Variants in RYR3 observed in about 807,000 individuals in gnomAD.
RYR3 encodes brain ryanodine receptor-calcium release channel.
Under a neutral mutation model 584.3 loss-of-function variants are expected in RYR3, and 207 were observed. That is an observed-to-expected ratio of 0.35 (90% CI 0.32 to 0.40). The LOEUF (loss-of-function observed/expected upper bound fraction) is 0.40. Among genes scored for constraint, RYR3 ranks in the 10% least tolerant of loss-of-function variants. The probability of loss-of-function intolerance (pLI) is 1.00; values close to 1 mark genes in which losing one functional copy is unlikely to be tolerated. For synonymous variants in RYR3, 2,416 were observed against 2,248.5 expected (o/e 1.07, Z -2.11); for missense variants, 5,616 against 6,089.2 (o/e 0.92, Z 2.59).
At chr15:33,599,554 A>G (rs1052904916) in intron 16 of RYR3, among the ~76,000 whole-genome samples, 2 of 152,210 alleles carry the variant, frequency 1.3e-5, no homozygotes, top group African/African-American at 2.4e-5. Context: ...AAATGGTTAC[A>G]TTCTTCTGAG....
At chr15:33,494,399 G>T (rs543544359) in intron 2 of RYR3, among the ~76,000 whole-genome samples, 1 of 152,080 alleles carries the variant, frequency 6.6e-6, no homozygotes, top group Non-Finnish European at 1.5e-5. Context: ...CCTCAGGCCA[G>T]CACAGTGCCT....
rs369131319 is a variant in RYR3, at chr15:33,853,693, C to T, written c.13799+11C>T. On this transcript the variant is annotated intron_variant, in intron 96 of 103. Transcript: ENST00000634891. ...TTCTCTGGTGTCATGGTACAAAAAG[C>T]TTAGGAGTTCAAATCCAAAGCAGCT... 9.4e-5 allele frequency: 151 copies of T among 1,609,690 alleles called. No individual in the cohort carries two copies. The highest frequency in any genetic ancestry group is 1.2e-4 in the Non-Finnish European group (141 of 1,177,806).
intron 60 of RYR3, among the ~76,000 whole-genome samples, chr15:33,765,834 A>G (rs1009082332): frequency 6.6e-6 from 1 of 152,128 alleles, no homozygotes; most frequent in African/African-American, 2.4e-5. Context: ...GTTATTGCCC[A>G]TTTGTGTAAA....
intron 1 of RYR3, among the ~76,000 whole-genome samples, chr15:33,429,798 C>G (rs923246899): frequency 6.6e-6 from 1 of 152,214 alleles, no homozygotes; most frequent in South Asian, 2.1e-4. Context: ...CTGGGTAGCA[C>G]TGACAGTTGG....
chr15:33,838,837 C>A lies in RYR3; in HGVS notation c.12857C>A (p.Pro4286Gln). 1 of 1,613,894 alleles carries A rather than the reference C, an allele frequency of 6.2e-7. No homozygotes were observed. Among genetic ancestry groups the A allele is most frequent in the Non-Finnish European group, 8.5e-7 (1 of 1,179,844 alleles). Residue 4286 changes from proline to glutamine, a missense_variant, in exon 89 of 104, where the codon CCA (proline) becomes CAA (glutamine). Physicochemically the swap from Pro to Gln is moderately conservative, Grantham distance 76. Around this residue, in one of 9 missense-constraint regions of RYR3, gnomAD observed 918 missense variants for 887.4 expected, o/e 1.03. Coordinates refer to ENST00000634891, the MANE Select transcript of RYR3 (RefSeq NM_001036.6). ...DIMSDLFGLH[P>Q]KKEGSLKHGP... is the part of the protein sequence containing the mutation. ...ATGTCAGACCTCTTTGGACTCCACC[C>A]AAAGAAAGAGGGCAGCTTAAAGCAT...
chr15:33,354,315 T>C (rs1973673091), intron 1 of RYR3, among the ~76,000 whole-genome samples: 1 of 152,194 alleles, frequency 6.6e-6, no homozygotes, highest in South Asian at 2.1e-4. Context: ...CCCAGCTTTA[T>C]TTCTCACATT....
At chr15:33,359,614 T>G (rs1974470040) in intron 1 of RYR3, among the ~76,000 whole-genome samples, 1 of 150,830 alleles carries the variant, frequency 6.6e-6, no homozygotes, top group African/African-American at 2.4e-5. Flanking sequence ...ATTTATTTAT[T>G]TATTTATTTA....
intron 85 of RYR3, 65 bp downstream of exon 85, chr15:33,827,352 C>G (rs1233467782): frequency 7.0e-7 from 1 of 1,435,956 alleles, no homozygotes; most frequent in Admixed American, 2.0e-5. Context: ...AACACAGTTA[C>G]ACAGGGTCAG....
chr15:33,517,000 AT>A (rs1343598316), intron 3 of RYR3, among the ~76,000 whole-genome samples: 2 of 151,988 alleles, frequency 1.3e-5, no homozygotes, highest in African/African-American at 4.8e-5. Context: ...TATTATTATT[AT>A]TATTTTTTGA....
chr15:33,672,922 T>C (rs2063934061), intron 38 of RYR3, among the ~76,000 whole-genome samples: 1 of 152,214 alleles, frequency 6.6e-6, no homozygotes, highest in Non-Finnish European at 1.5e-5. Flanking sequence ...TTATTCTTTC[T>C]ACCCTTACCC....
chr15:33,710,251 A>G (rs1350903209), intron 43 of RYR3, among the ~76,000 whole-genome samples: 1 of 152,108 alleles, frequency 6.6e-6, no homozygotes, highest in Non-Finnish European at 1.5e-5. Flanking sequence ...GCTTCCGATC[A>G]TGGCAGAAGG....
chr15:33,742,422 A>G lies in RYR3; in HGVS notation c.7877A>G (p.His2626Arg). 2.5e-6 allele frequency: 4 copies of G among 1,611,056 alleles called. No individual in the cohort carries two copies. The highest frequency in any genetic ancestry group is 3.4e-6 in the Non-Finnish European group (4 of 1,177,200). The change falls in exon 52 of 104, where the codon CAT (histidine) becomes CGT (arginine). Residue 2626 changes from histidine (H) to arginine (R), a missense_variant. His to Arg is a conservative substitution (Grantham distance 29, BLOSUM62 0). Around this residue, in one of 9 missense-constraint regions of RYR3, gnomAD observed 1,280 missense variants for 1,426.2 expected, o/e 0.90. Coordinates refer to ENST00000634891, the MANE Select transcript of RYR3 (RefSeq NM_001036.6). The part of the protein sequence containing the change: ...YIVTKYAEHS[H>R]DKWACDKSQS... ...GTCACCAAGTATGCTGAGCATTCACATGATAAATGGGCCTGTGACAAGGTA... is the reference window on the plus strand; with the variant it reads ...GTCACCAAGTATGCTGAGCATTCACGTGATAAATGGGCCTGTGACAAGGTA...
intron 72 of RYR3, among the ~76,000 whole-genome samples, 187 bp from the exon 73 acceptor site, chr15:33,812,674 CAT>C (rs1364515494): frequency 4.6e-5 from 7 of 152,132 alleles, no homozygotes; most frequent in Admixed American, 1.3e-4. Flanking sequence ...CATTAAGAGA[CAT>C]AGGAGTTAGA....
intron 51 of RYR3, among the ~76,000 whole-genome samples, chr15:33,741,721 C>T (rs1186191570): frequency 1.3e-5 from 2 of 152,160 alleles, no homozygotes; most frequent in East Asian, 1.9e-4. Context: ...TCACGTCATT[C>T]TCCTGCCTCA....
intron 1 of RYR3, among the ~76,000 whole-genome samples, chr15:33,360,888 C>T (rs544909799): frequency 6.6e-6 from 1 of 152,362 alleles, no homozygotes; most frequent in African/African-American, 2.4e-5. Flanking sequence ...GGAGACAGGA[C>T]AGTAGACAGA....
At position 33,795,764 on chromosome 15, in the gene RYR3, C is replaced by T. The variant is rs111403128; in HGVS notation, c.9831-5006C>T. On this transcript the variant is annotated intron_variant, in intron 67 of 103. Coordinates refer to ENST00000634891, the MANE Select transcript of RYR3 (RefSeq NM_001036.6). Reference sequence around the variant, plus strand: ...CAGGCTGGTCTCGAACTCGTGACCTCAGGTGATCTGCCTGCCTCTGCCTCC... The same window carrying T: ...CAGGCTGGTCTCGAACTCGTGACCTTAGGTGATCTGCCTGCCTCTGCCTCC... Among the ~76,000 whole-genome samples, 237 of 152,220 alleles carry T rather than the reference C, an allele frequency of 1.6e-3. 1 individual carries two copies. The highest frequency in any genetic ancestry group is 4.9e-3 in the African/African-American group (204 of 41,528).
chr15:33,766,367 T>G (rs1383060887), intron 60 of RYR3, among the ~76,000 whole-genome samples: 1 of 151,912 alleles, frequency 6.6e-6, no homozygotes, highest in African/African-American at 2.4e-5. Flanking sequence ...CCTAATTACT[T>G]ACTCTAAGTT....
intron 1 of RYR3, among the ~76,000 whole-genome samples, chr15:33,329,562 G>T (rs898805497): frequency 6.6e-6 from 1 of 151,492 alleles, no homozygotes; most frequent in East Asian, 1.9e-4. Context: ...TGTGTAGAGC[G>T]ATTCCACTTT....
At chr15:33,625,140 G>A (rs986717181) in intron 20 of RYR3, among the ~76,000 whole-genome samples, 1 of 152,186 alleles carries the variant, frequency 6.6e-6, no homozygotes, top group Non-Finnish European at 1.5e-5. Context: ...GGAGAAGCAA[G>A]CACATCTTCA....
Sources: gnomAD v4.1 joint callset for allele counts (sites outside exome capture counted in the v4.1 genomes callset) on GRCh38, gnomAD v4.1.1 for gene constraint, gnomAD v4.1.1 regional missense constraint, MANE v1.5 for transcripts, NCBI Gene and HGNC (gene_info 2026-07-23, HGNC 2026-07-21) for gene names.